PEAK1: variants seen among roughly 807,000 people sequenced by gnomAD.
The protein encoded by PEAK1 is inactive tyrosine-protein kinase PEAK1.
A neutral mutation model predicts 124.7 loss-of-function variants in PEAK1; 54 were observed. The ratio of observed to expected loss-of-function variants is 0.43; its 90% CI spans 0.35 to 0.54. PEAK1 has a LOEUF of 0.54. Among genes scored for constraint, PEAK1 ranks in the 20% least tolerant of loss-of-function variants. The probability of loss-of-function intolerance (pLI) is 0.01; values close to 1 mark genes in which losing one functional copy is unlikely to be tolerated. For synonymous variants in PEAK1, 719 were observed against 760.0 expected, an observed-to-expected ratio of 0.95 and a Z score of 0.89; for missense variants, 2,046 against 2,134.5, an observed-to-expected ratio of 0.96 and a Z score of 0.82.
intron 7 of PEAK1, among the ~76,000 whole-genome samples, chr15:77,170,626 G>T (rs1377262179): frequency 1.3e-5 from 2 of 152,090 alleles, no homozygotes; most frequent in African/African-American, 4.8e-5. Flanking sequence ...GGTTCCTTAG[G>T]CATAGTTTTG....
chr15:77,227,946 T>TA (rs1555449593), intron 6 of PEAK1, among the ~76,000 whole-genome samples: 1 of 152,018 alleles, frequency 6.6e-6, no homozygotes, highest in African/African-American at 2.4e-5. Flanking sequence ...CAGTGAGGTA[T>TA]GATCACATCA....
chr15:77,115,980 G>A (rs2051333630), intron 9 of PEAK1, among the ~76,000 whole-genome samples: 1 of 152,132 alleles, frequency 6.6e-6, no homozygotes. Context: ...ACATTTCAAT[G>A]GTGGTTTTCT....
chr15:77,117,504 T>C (rs909681524), intron 9 of PEAK1, among the ~76,000 whole-genome samples: 1 of 152,222 alleles, frequency 6.6e-6, no homozygotes, highest in Non-Finnish European at 1.5e-5. Context: ...ACTAATGCAA[T>C]CTTAGAGAAT....
chr15:77,182,515 G>A (rs2057328984), intron 6 of PEAK1, among the ~76,000 whole-genome samples: 1 of 151,952 alleles, frequency 6.6e-6, no homozygotes, highest in African/African-American at 2.4e-5. Flanking sequence ...TGGGAGGCAG[G>A]CCAAGGTGGG....
At chr15:77,298,964 T>C (rs924289219) in intron 2 of PEAK1, among the ~76,000 whole-genome samples, 3 of 152,146 alleles carry the variant, frequency 2.0e-5, no homozygotes, top group Admixed American at 1.3e-4. Context: ...GGGTACAAAG[T>C]GGTGCTAGTT....
At chr15:77,225,692 A>ATATG (rs2059611565) in intron 6 of PEAK1, among the ~76,000 whole-genome samples, 1 of 140,262 alleles carries the variant, frequency 7.1e-6, no homozygotes, top group African/African-American at 2.6e-5. Context: ...ATATATATAT[A>ATATG]TATATGACAA....
intron 2 of PEAK1, among the ~76,000 whole-genome samples, chr15:77,294,343 TA>T (rs1476873360): frequency 2.0e-5 from 3 of 152,320 alleles, no homozygotes; most frequent in African/African-American, 7.2e-5. Context: ...AAAGGTATTT[TA>T]AAAATTATAA....
chr15:77,345,891 T>A (rs1380904934), intron 2 of PEAK1: 1 of 979,886 alleles, frequency 1.0e-6, no homozygotes, highest in Non-Finnish European at 1.2e-6. Context: ...ATAAGTAATT[T>A]AAAAAAATCA....
intron 2 of PEAK1, chr15:77,335,740 T>C: frequency 2.1e-6 from 2 of 974,678 alleles, no homozygotes; most frequent in Non-Finnish European, 2.4e-6. Flanking sequence ...ATCCTCCCAC[T>C]TCAGCCTCCC....
At position 77,114,567 on chromosome 15, in the gene PEAK1, A is replaced by T. The variant is rs1566982605; in HGVS notation, c.4830T>A (p.Asp1610Glu). Reference protein sequence around the residue: ...YEMLHLPNPFDENPELKEREY... With the variant: ...YEMLHLPNPFEENPELKEREY... ...CCCTCTCCTTCAGCTCTGGGTTCTC[A>T]TCAAAGGGGTTGGGTAGGTGCAGCA... The change falls in exon 10 of 10, where the codon GAT (aspartate) becomes GAA (glutamate). Residue 1610 changes from aspartate (D) to glutamate (E), a missense_variant. By Grantham distance (45) the Asp-to-Glu change is conservative. Coordinates refer to ENST00000682557, the MANE Select transcript of PEAK1 (RefSeq NM_001385026.1). The T allele has an allele frequency of 6.2e-7, 1 of 1,613,970 alleles. No homozygotes were observed. Among genetic ancestry groups the T allele is most frequent in the Non-Finnish European group, 8.5e-7 (1 of 1,180,018 alleles).
chr15:77,263,877 A>G (rs1596988584), intron 5 of PEAK1, among the ~76,000 whole-genome samples: 1 of 152,190 alleles, frequency 6.6e-6, no homozygotes, highest in East Asian at 1.9e-4. Flanking sequence ...TAGCAAACCG[A>G]ATCCAGCAGC....
At chr15:77,401,756 A>G in intron 1 of PEAK1, 1 of 985,184 alleles carries the variant, frequency 1.0e-6, no homozygotes, top group Middle Eastern at 5.2e-4. Context: ...TTACTTTCTT[A>G]GAGAGCTTTT....
chr15:77,222,264 C>T (rs1436846247), intron 6 of PEAK1, among the ~76,000 whole-genome samples: 1 of 151,988 alleles, frequency 6.6e-6, no homozygotes, highest in East Asian at 1.9e-4. Flanking sequence ...CTCCTTCTTT[C>T]TCTCTTCTTG....
intron 5 of PEAK1, among the ~76,000 whole-genome samples, chr15:77,255,029 T>C (rs984163536): frequency 6.6e-6 from 1 of 152,176 alleles, no homozygotes; most frequent in African/African-American, 2.4e-5. Context: ...TGATGCCAAG[T>C]TGAAATTGAA....
At chr15:77,386,576 TAGAA>T (rs1317895887) in intron 1 of PEAK1, among the ~76,000 whole-genome samples, 5 of 152,010 alleles carry the variant, frequency 3.3e-5, no homozygotes, top group African/African-American at 9.6e-5. Flanking sequence ...ATTAAAAAAA[TAGAA>T]AGGGCTATGG....
At chr15:77,370,022 G>A (rs576395165) in intron 1 of PEAK1, among the ~76,000 whole-genome samples, 22 of 152,260 alleles carry the variant, frequency 1.4e-4, no homozygotes, top group African/African-American at 5.1e-4. Context: ...GTGAAGTGCT[G>A]ATGACCTTCA....
Position 77,407,246 on chromosome 15 carries a change from C to T in PEAK1, c.-666+12760G>A, listed in dbSNP as rs193246245. 4.0e-3 allele frequency among the ~76,000 whole-genome samples: 611 copies of T among 152,106 alleles called. 4 individuals are homozygous for T. Among genetic ancestry groups the T allele is most frequent in the African/African-American group, 0.014 (579 of 41,476 alleles). ...ATGTCCAAGAACCCAAAAGCAAGTGCAACAAAAACAAAGATAAATAGGCGG... is the reference window on the plus strand; with the variant it reads ...ATGTCCAAGAACCCAAAAGCAAGTGTAACAAAAACAAAGATAAATAGGCGG... On this transcript the variant is annotated intron_variant, in intron 1 of 9. Coordinates refer to ENST00000682557, the MANE Select transcript of PEAK1 (RefSeq NM_001385026.1).
At chr15:77,158,991 A>G (rs1210924088) in intron 7 of PEAK1, among the ~76,000 whole-genome samples, 1 of 152,190 alleles carries the variant, frequency 6.6e-6, no homozygotes, top group Admixed American at 6.5e-5. Flanking sequence ...TGGTGGTAGA[A>G]GGAGCTGAAT....
chr15:77,418,607 G>A (rs1262644066), intron 1 of PEAK1: 1 of 985,010 alleles, frequency 1.0e-6, no homozygotes, highest in South Asian at 4.7e-5. Flanking sequence ...AGTCACCAAA[G>A]AGAAGTCCCA....
Sources: gnomAD v4.1 joint callset for allele counts (sites outside exome capture counted in the v4.1 genomes callset) on GRCh38, gnomAD v4.1.1 for gene constraint, MANE v1.5 for transcripts, NCBI Gene and HGNC (gene_info 2026-07-23, HGNC 2026-07-21) for gene names.